The following INSYN2A variants were observed in gnomAD, a reference collection of about 807,000 sequenced individuals.
INSYN2A encodes family with sequence similarity 196 member A.
Under a neutral mutation model 39.4 loss-of-function variants are expected in INSYN2A, and 17 were observed. The observed-to-expected ratio is 0.43, with a 90% CI of 0.30 to 0.65. The LOEUF (loss-of-function observed/expected upper bound fraction) is 0.65. INSYN2A is among the 30% of genes least tolerant of loss of function. INSYN2A has a pLI of 0.14. For missense variants in INSYN2A, 595 were observed against 631.2 expected (o/e 0.94, Z 0.61); for synonymous variants, 255 against 265.7 (o/e 0.96, Z 0.39).
chr10:127,162,494 G>T (rs151066710), intron 4 of INSYN2A, among the ~76,000 whole-genome samples: 93 of 152,290 alleles, frequency 6.1e-4, no homozygotes, highest in Non-Finnish European at 1.1e-3. Flanking sequence ...AGCTAATTCA[G>T]AAGTTGAGTT....
At chr10:127,179,324 CTG>C (rs1390852605) in intron 2 of INSYN2A, among the ~76,000 whole-genome samples, 1 of 152,194 alleles carries the variant, frequency 6.6e-6, no homozygotes, top group African/African-American at 2.4e-5. Context: ...AAGCTCTTCT[CTG>C]TTTTATAGAG....
chr10:127,178,574 G>A (rs1363355474), intron 2 of INSYN2A, among the ~76,000 whole-genome samples: 3 of 152,204 alleles, frequency 2.0e-5, no homozygotes, highest in East Asian at 3.9e-4. Context: ...GATGCCTCGG[G>A]CTCTTGTTCG....
rs1229405768 is a variant in INSYN2A, at chr10:127,149,300, A to G, written c.1256+4552T>C. Among the ~76,000 whole-genome samples the G allele has an allele frequency of 2.0e-5, 3 of 152,346 alleles. No individual in the cohort carries two copies. The East Asian group carries it at 5.8e-4, about 29-fold the overall frequency. The stretch of plus-strand genomic sequence containing the variant: ...GAAGCTCAGCCCTAACCTTGCAGGT[A>G]CGCGGCAGGCTCTCACGGGCTGATG... On this transcript the variant is annotated intron_variant, in intron 5 of 5. Coordinates refer to ENST00000522781, the MANE Select transcript of INSYN2A (RefSeq NM_001039762.3).
chr10:127,138,020 A>G lies in INSYN2A; in HGVS notation c.1257T>C (p.Ser419=), dbSNP rs773054236. 5.0e-6 allele frequency: 8 copies of G among 1,604,508 alleles called. 1 individual carries two copies. The East Asian group carries it at 6.7e-5, about 13-fold the overall frequency. Residue 419 remains serine (S), a splice_region_variant and synonymous_variant, in exon 6 of 6, where the codon AGT becomes AGC. Coordinates refer to ENST00000522781, the MANE Select transcript of INSYN2A (RefSeq NM_001039762.3). The part of the protein sequence containing the change: ...TCRNSACIIY[S]VELDFKQQED... Reference sequence around the variant, plus strand: ...CTTGCTGCTTAAAATCCAGCTCCACACTAGAAAAGAGAGAGAGTGAAGACT... The same window carrying G: ...CTTGCTGCTTAAAATCCAGCTCCACGCTAGAAAAGAGAGAGAGTGAAGACT...
At chr10:127,180,408 AT>A (rs1471093933) in intron 2 of INSYN2A, among the ~76,000 whole-genome samples, 1 of 152,052 alleles carries the variant, frequency 6.6e-6, no homozygotes, top group African/African-American at 2.4e-5. Context: ...CATAAAGTTT[AT>A]TTTTCGTAAG....
At chr10:127,187,643 G>C (rs1045474125) in intron 2 of INSYN2A, among the ~76,000 whole-genome samples, 1 of 151,916 alleles carries the variant, frequency 6.6e-6, no homozygotes, top group African/African-American at 2.4e-5. Context: ...TTTCCTTAAG[G>C]GCTCTATTCC....
chr10:127,185,258 G>A (rs2056119458), intron 2 of INSYN2A, among the ~76,000 whole-genome samples: 1 of 152,192 alleles, frequency 6.6e-6, no homozygotes. Flanking sequence ...GCCAGGCACG[G>A]TGGCTCATGC....
intron 5 of INSYN2A, among the ~76,000 whole-genome samples, chr10:127,153,468 C>T (rs780632957): frequency 1.3e-5 from 2 of 152,160 alleles, no homozygotes; most frequent in African/African-American, 2.4e-5. Flanking sequence ...CAGGTCTTTC[C>T]ATGGTATTCC....
intron 4 of INSYN2A, among the ~76,000 whole-genome samples, chr10:127,166,865 A>G (rs1201541363): frequency 6.6e-6 from 1 of 151,966 alleles, no homozygotes; most frequent in Non-Finnish European, 1.5e-5. Context: ...TTATCTGCAA[A>G]TGGGCTGTCT....
intron 1 of INSYN2A, among the ~76,000 whole-genome samples, chr10:127,194,513 C>G (rs1427531772): frequency 6.6e-6 from 1 of 152,196 alleles, no homozygotes; most frequent in Non-Finnish European, 1.5e-5. Flanking sequence ...CCAGCACTTT[C>G]CGCCTCTGCA....
intron 5 of INSYN2A, among the ~76,000 whole-genome samples, chr10:127,139,213 A>G (rs1453047944): frequency 6.6e-6 from 1 of 152,216 alleles, no homozygotes; most frequent in Admixed American, 6.5e-5. Flanking sequence ...ATGAAATCCT[A>G]TTGATTTAGA....
intron 2 of INSYN2A, among the ~76,000 whole-genome samples, chr10:127,188,749 A>G (rs553634858): frequency 1.3e-5 from 2 of 152,326 alleles, no homozygotes; most frequent in African/African-American, 4.8e-5. Flanking sequence ...AAAAGGTAAC[A>G]CTTGTGTATA....
rs371362388 is a variant in INSYN2A at position 127,175,681 on chromosome 10, C to T, written c.715G>A (p.Glu239Lys). The T allele has an allele frequency of 2.6e-5, 42 of 1,613,654 alleles. No homozygotes were observed. The highest frequency in any genetic ancestry group is 3.3e-5 in the Non-Finnish European group (39 of 1,179,990). ...CTCCTGAGGGCAGGTGGAGCGGGCT[C>T]CTCGGAGTTTGGCCTCCCCCGGTCC... ...KQDRGRPNSE[E>K]PAPPALRRVF... The change falls in exon 4 of 6, where the codon GAG becomes AAG. Residue 239 changes from glutamate to lysine, a missense_variant. Physicochemically the swap from Glu to Lys is moderately conservative, Grantham distance 56 (BLOSUM62 1). Transcript: ENST00000522781. This position sits in a 1 kb window ranked among gnomAD's most constrained non-coding sequence, Gnocchi z 6.3.
At chr10:127,184,586 A>G (rs2056054150) in intron 2 of INSYN2A, among the ~76,000 whole-genome samples, 1 of 149,980 alleles carries the variant, frequency 6.7e-6, no homozygotes, top group African/African-American at 2.5e-5. Context: ...TAGCACTTCC[A>G]AAGAGTCTCT....
At position 127,176,348 on chromosome 10, in the gene INSYN2A, A is replaced by G. The variant is rs1371860529; in HGVS notation, c.48T>C (p.Ser16=). ...TGKCILTTSE[S]EVEPAACLAL... is the part of the protein sequence containing the mutation. ...CCAGGCAGGCGGCGGGTTCCACTTC[A>G]CTCTCCGACGTTGTGAGTATGCATT... Residue 16 remains serine (S), a synonymous_variant, in exon 4 of 6, where the codon AGT becomes AGC. Coordinates refer to ENST00000522781, the MANE Select transcript of INSYN2A (RefSeq NM_001039762.3). This position sits in a 1 kb window ranked among gnomAD's most constrained non-coding sequence, Gnocchi z 4.4. The G allele has an allele frequency of 6.2e-7, 1 of 1,612,226 alleles. No individual in the cohort carries two copies. Among genetic ancestry groups the G allele is most frequent in the Non-Finnish European group, 8.5e-7 (1 of 1,179,628 alleles).
chr10:127,163,019 C>T lies in INSYN2A; in HGVS notation c.1185-9096G>A, dbSNP rs551529561. ...CGCATGCAAACCTGCATCCTTGGTC[C>T]GGGCCCGGCTTCTCTCTTCCCTCCG... is the stretch of plus-strand genomic sequence containing the variant. On this transcript the variant is annotated intron_variant, in intron 4 of 5. Transcript: ENST00000522781. Among the ~76,000 whole-genome samples, 7 of 152,300 alleles carry T rather than the reference C, an allele frequency of 4.6e-5. No individual in the cohort carries two copies. In the East Asian group the frequency reaches 1.2e-3, roughly 25 times the overall value.
At position 127,135,445 on chromosome 10, in the gene INSYN2A, T is replaced by A. The variant is rs1036454082; in HGVS notation, c.*2392A>T. 7.2e-5 allele frequency: 11 copies of A among 152,690 alleles called. No individual in the cohort carries two copies. Among genetic ancestry groups the A allele is most frequent in the African/African-American group, 2.7e-4 (11 of 41,474 alleles). The allele number at this position is 152,690 out of a possible 1,614,324, so 9.5% of individuals were successfully genotyped here. A position where few individuals can be genotyped will look rare whatever the true frequency, so the allele number is the denominator to read the frequency against. On this transcript the variant is annotated 3_prime_UTR_variant, in exon 6 of 6. Transcript: ENST00000522781. The stretch of plus-strand genomic sequence containing the variant: ...CCACATAAAACATCTTTGATTTTTT[T>A]ATTTAAAAATTAATAAAGAACTTAA...
intron 4 of INSYN2A, among the ~76,000 whole-genome samples, chr10:127,160,780 G>A (rs918025113): frequency 3.3e-5 from 5 of 152,148 alleles, no homozygotes; most frequent in South Asian, 2.1e-4. Context: ...TGTTTTTGCC[G>A]TTAATTTATT....
rs1050658105 is a variant in INSYN2A, at chr10:127,163,528, A to ATGAATGAATGAG, written c.1185-9617_1185-9606dup. On this transcript the variant is annotated intron_variant, in intron 4 of 5. Transcript: ENST00000522781. ...TATCTTTTGAATAATGCTTGAGTGA[A>ATGAATGAATGAG]TGAATGAATGAGTGAATGAATGAGG... 2.0e-5 allele frequency among the ~76,000 whole-genome samples: 3 copies of ATGAATGAATGAG among 152,262 alleles called. No individual in the cohort carries two copies. The South Asian group carries it at 6.2e-4, about 32-fold the overall frequency.
Sources: allele counts gnomAD v4.1 joint callset (sites outside exome capture counted in the v4.1 genomes callset), GRCh38; gene constraint gnomAD v4.1.1; non-coding constraint Gnocchi (gnomAD v3.1); transcripts MANE v1.5; gene names NCBI Gene and HGNC (gene_info 2026-07-23, HGNC 2026-07-21).